Variants in TRMT10B observed in about 807,000 individuals in gnomAD.
The protein encoded by TRMT10B is tRNA methyltransferase 10B.
Under a neutral mutation model 43.8 loss-of-function variants are expected in TRMT10B, and 33 were observed. The ratio of observed to expected loss-of-function variants is 0.75; its 90% CI spans 0.57 to 1.01. TRMT10B has a LOEUF of 1.01. Among genes scored for constraint, TRMT10B ranks in the 50% least tolerant of loss-of-function variants. The probability of loss-of-function intolerance (pLI) is 0.00; values close to 1 mark genes in which losing one functional copy is unlikely to be tolerated. For missense variants in TRMT10B, 362 were observed against 369.8 expected, an observed-to-expected ratio of 0.98 and a Z score of 0.17; for synonymous variants, 137 against 130.6, an observed-to-expected ratio of 1.05 and a Z score of -0.34.
intron 2 of TRMT10B, 90 bp from the exon 3 acceptor site, chr9:37,762,487 A>G: frequency 6.7e-7 from 1 of 1,483,536 alleles, no homozygotes; most frequent in Non-Finnish European, 9.0e-7. Context: ...ATATATATAA[A>G]TAAGAAAAAA....
intron 1 of TRMT10B, among the ~76,000 whole-genome samples, chr9:37,756,215 T>G (rs1206653271): frequency 6.6e-6 from 1 of 152,244 alleles, no homozygotes; most frequent in African/African-American, 2.4e-5. Flanking sequence ...AACTAGCATT[T>G]ATTTAACAAA....
chr9:37,752,964 G>A (rs1825083135), upstream of TRMT10B, among the ~76,000 whole-genome samples: 1 of 152,126 alleles, frequency 6.6e-6, no homozygotes, highest in African/African-American at 2.4e-5. Context: ...AAATCTTGTT[G>A]CTTGCTAACC....
chr9:37,768,416 T>C (rs1392196556), intron 5 of TRMT10B, among the ~76,000 whole-genome samples, 188 bp downstream of exon 5: 1 of 152,248 alleles, frequency 6.6e-6, no homozygotes, highest in East Asian at 1.9e-4. Flanking sequence ...AAAGTACTGT[T>C]ACCAGTGTCT....
At chr9:37,772,186 A>G (rs1827667185) in intron 7 of TRMT10B, among the ~76,000 whole-genome samples, 1 of 151,634 alleles carries the variant, frequency 6.6e-6, no homozygotes, top group Non-Finnish European at 1.5e-5. Context: ...TAATTTTTAT[A>G]TTTTTTTGTA....
At chr9:37,767,322 C>T (rs58346882) in intron 4 of TRMT10B, 3,933 of 151,594 alleles carry the variant, frequency 0.026, 187 homozygotes, top group African/African-American at 0.091. Flanking sequence ...TCAAGACTAG[C>T]CTAGGCAATA....
At chr9:37,771,118 C>T (rs1827526206) in intron 7 of TRMT10B, among the ~76,000 whole-genome samples, 1 of 152,132 alleles carries the variant, frequency 6.6e-6, no homozygotes, top group Non-Finnish European at 1.5e-5. Context: ...ATAGTCTTAG[C>T]CCAAAACCTC....
At chr9:37,771,851 AG>A (rs1183021837) in intron 7 of TRMT10B, among the ~76,000 whole-genome samples, 2 of 151,712 alleles carry the variant, frequency 1.3e-5, no homozygotes, top group African/African-American at 4.8e-5. Context: ...CTGCCTCCTG[AG>A]GTGTAGTATT....
intron 1 of TRMT10B, among the ~76,000 whole-genome samples, chr9:37,759,686 G>A (rs1563986370): frequency 6.6e-6 from 1 of 152,142 alleles, no homozygotes; most frequent in Non-Finnish European, 1.5e-5. Context: ...GCATGGTGGT[G>A]CGTGCCTGTA....
chr9:37,760,785 T>C (rs1563987532), intron 1 of TRMT10B, among the ~76,000 whole-genome samples: 3 of 152,192 alleles, frequency 2.0e-5, no homozygotes, highest in Admixed American at 1.3e-4. Flanking sequence ...CTTAACACTT[T>C]TTAAGATATA....
At chr9:37,759,207 C>A (rs1239247364) in intron 1 of TRMT10B, among the ~76,000 whole-genome samples, 1 of 152,160 alleles carries the variant, frequency 6.6e-6, no homozygotes, top group Non-Finnish European at 1.5e-5. Context: ...ATGTTCATAG[C>A]AGATTTATTC....
chr9:37,755,095 T>G (rs1403611135), intron 1 of TRMT10B, among the ~76,000 whole-genome samples: 1 of 151,792 alleles, frequency 6.6e-6, no homozygotes, highest in Non-Finnish European at 1.5e-5. Context: ...ATGGTGAAAC[T>G]CCGTCTCTAC....
At position 37,776,388 on chromosome 9, in the gene TRMT10B, T is replaced by C; in HGVS notation, c.827T>C (p.Ile276Thr). The C allele has an allele frequency of 6.2e-7, 1 of 1,609,908 alleles. No individual in the cohort carries two copies. Among genetic ancestry groups the C allele is most frequent in the Non-Finnish European group, 8.5e-7 (1 of 1,178,626 alleles). Residue 276 changes from isoleucine to threonine, a missense_variant, in exon 8 of 9, where the codon ATA (isoleucine) becomes ACA (threonine). Physicochemically the swap from Ile to Thr is moderately conservative, Grantham distance 89 (BLOSUM62 -1). Transcript: ENST00000297994. ...NQNGKNYHSE[I>T]LAINQVFDIL... ...AATGGGAAAAACTATCATTCAGAGA[T>C]ACTGGCCATCAATCAAGGTACTTCT...
intron 8 of TRMT10B, 53 bp from the exon 9 acceptor site, chr9:37,777,548 T>C: frequency 9.4e-6 from 13 of 1,388,426 alleles, no homozygotes; most frequent in Non-Finnish European, 1.1e-5. Context: ...TTTCATTTAC[T>C]CGTTCTTTTT....
At chr9:37,757,064 A>G (rs757339652) in intron 1 of TRMT10B, among the ~76,000 whole-genome samples, 2 of 151,670 alleles carry the variant, frequency 1.3e-5, no homozygotes, top group Non-Finnish European at 1.5e-5. Context: ...AGTGCTTCTG[A>G]AATGTTTAAG....
At chr9:37,777,013 G>C (rs2118945147) in intron 8 of TRMT10B, among the ~76,000 whole-genome samples, 1 of 151,246 alleles carries the variant, frequency 6.6e-6, no homozygotes, top group East Asian at 1.9e-4. Context: ...GACCAACATG[G>C]AGAAACACCG....
chr9:37,759,260 T>C (rs546570668), intron 1 of TRMT10B, among the ~76,000 whole-genome samples: 2 of 152,218 alleles, frequency 1.3e-5, no homozygotes, highest in Non-Finnish European at 2.9e-5. Flanking sequence ...ACAGAATAAA[T>C]TGTGATATAT....
At chr9:37,774,597 T>A (rs1431056241) in intron 7 of TRMT10B, among the ~76,000 whole-genome samples, 1 of 152,242 alleles carries the variant, frequency 6.6e-6, no homozygotes, top group Non-Finnish European at 1.5e-5. Flanking sequence ...AATTTTGAAT[T>A]CTGTACTTCA....
At chr9:37,776,236 T>A (rs1175124250) in intron 7 of TRMT10B, 46 bp from the exon 8 acceptor site, 5 of 1,374,768 alleles carry the variant, frequency 3.6e-6, no homozygotes, top group Non-Finnish European at 4.8e-6. Context: ...GAGAATATAC[T>A]CATGTATAAT....
At chr9:37,755,761 A>T (rs1325433142) in intron 1 of TRMT10B, among the ~76,000 whole-genome samples, 1 of 152,210 alleles carries the variant, frequency 6.6e-6, no homozygotes, top group African/African-American at 2.4e-5. Flanking sequence ...TTGGAGAAAC[A>T]TGAGGTAAAA....
Sources: gnomAD v4.1 joint callset for allele counts (sites outside exome capture counted in the v4.1 genomes callset) on GRCh38, gnomAD v4.1.1 for gene constraint, MANE v1.5 for transcripts, NCBI Gene and HGNC (gene_info 2026-07-23, HGNC 2026-07-21) for gene names.